Variants in GPR39 observed in about 807,000 individuals in gnomAD.
GPR39 encodes G protein-coupled receptor 39.
In GPR39, 23 loss-of-function variants were observed where a neutral mutation model predicts 18.4. That is an observed-to-expected ratio of 1.25 (90% CI 0.90 to 1.77). GPR39 has a LOEUF of 1.77. GPR39 is among the 40% of genes most tolerant of loss of function. The probability of loss-of-function intolerance (pLI) is 0.00; values close to 1 mark genes in which losing one functional copy is unlikely to be tolerated. For missense variants in GPR39, 647 were observed against 602.4 expected (o/e 1.07, Z -0.78); for synonymous variants, 280 against 257.9 (o/e 1.09, Z -0.82).
intron 1 of GPR39, among the ~76,000 whole-genome samples, chr2:132,596,666 T>C (rs1283297897): frequency 6.6e-6 from 1 of 152,194 alleles, no homozygotes; most frequent in Non-Finnish European, 1.5e-5. Flanking sequence ...TTGTCTCTCA[T>C]GTGGCCTCTA....
intron 1 of GPR39, among the ~76,000 whole-genome samples, chr2:132,464,293 G>T (rs1680887010): frequency 6.6e-6 from 1 of 152,152 alleles, no homozygotes; most frequent in African/African-American, 2.4e-5. Flanking sequence ...TCAGTTGTGT[G>T]GTAAAAGTTT....
intron 1 of GPR39, among the ~76,000 whole-genome samples, chr2:132,620,186 A>AT (rs1159151798): frequency 6.6e-6 from 1 of 151,970 alleles, no homozygotes; most frequent in Non-Finnish European, 1.5e-5. Context: ...CCCCAGGAGA[A>AT]TTTTTTTTAC....
At chr2:132,449,382 G>C (rs1030630376) in intron 1 of GPR39, among the ~76,000 whole-genome samples, 2 of 152,178 alleles carry the variant, frequency 1.3e-5, no homozygotes, top group African/African-American at 4.8e-5. Flanking sequence ...GAATAGCTGG[G>C]AGTACAGGCA....
chr2:132,517,069 C>A (rs4954337), intron 1 of GPR39, among the ~76,000 whole-genome samples: 1 of 151,804 alleles, frequency 6.6e-6, no homozygotes, highest in African/African-American at 2.4e-5. Context: ...TTTTTAAAAG[C>A]GGACACTCTT....
At chr2:132,624,810 C>T (rs766809108) in intron 1 of GPR39, among the ~76,000 whole-genome samples, 1 of 152,214 alleles carries the variant, frequency 6.6e-6, no homozygotes, top group Non-Finnish European at 1.5e-5. Context: ...CGTGAATATT[C>T]CACAGTTAGT....
intron 1 of GPR39, among the ~76,000 whole-genome samples, chr2:132,639,155 C>T (rs79958485): frequency 0.052 from 7,908 of 152,058 alleles, 674 homozygotes; most frequent in African/African-American, 0.18. Context: ...TACAGCTCAG[C>T]TTTGTATCAT....
At chr2:132,479,553 C>T (rs781755490) in intron 1 of GPR39, among the ~76,000 whole-genome samples, 4 of 152,120 alleles carry the variant, frequency 2.6e-5, no homozygotes, top group Non-Finnish European at 5.9e-5. Context: ...ATTCAGTACA[C>T]GGCCTCTCAG....
chr2:132,610,691 C>T (rs1012550871), intron 1 of GPR39, among the ~76,000 whole-genome samples: 2 of 148,554 alleles, frequency 1.3e-5, no homozygotes, highest in Admixed American at 6.8e-5. Context: ...GAAGGAGAAT[C>T]ACTTGAACCT....
chr2:132,624,162 C>G (rs1420845889), intron 1 of GPR39, among the ~76,000 whole-genome samples: 1 of 152,182 alleles, frequency 6.6e-6, no homozygotes, highest in East Asian at 1.9e-4. Context: ...GTAGGGTTGG[C>G]TCTTGGGGCT....
Position 132,433,923 on chromosome 2 carries a change from T to G in GPR39, c.856+16025T>G, listed in dbSNP as rs556568269. On this transcript the variant is annotated intron_variant, in intron 1 of 1. Transcript: ENST00000329321. ...AAAGCGAAGTCATTATATGACAACTTAAAGCACAATGAAGGTGAAGGGCCT... is the reference window on the plus strand; with the variant it reads ...AAAGCGAAGTCATTATATGACAACTGAAAGCACAATGAAGGTGAAGGGCCT... 15 of 151,896 alleles carry G rather than the reference T, an allele frequency of 9.9e-5. No individual in the cohort carries two copies. In the South Asian group the frequency reaches 3.1e-3, roughly 32 times the overall value. The allele number at this position is 151,896 out of a possible 1,614,324, so 9.4% of individuals were successfully genotyped here. A position where few individuals can be genotyped will look rare whatever the true frequency, so the allele number is the denominator to read the frequency against.
chr2:132,594,836 C>G (rs544938716), intron 1 of GPR39, among the ~76,000 whole-genome samples: 10 of 152,070 alleles, frequency 6.6e-5, no homozygotes, highest in Non-Finnish European at 1.3e-4. Flanking sequence ...GCTTTGGTTT[C>G]TTCATCTGTA....
chr2:132,504,943 T>C (rs1188518658), intron 1 of GPR39, among the ~76,000 whole-genome samples: 1 of 152,220 alleles, frequency 6.6e-6, no homozygotes, highest in Non-Finnish European at 1.5e-5. Context: ...TTTCCACATT[T>C]GTTGGAAATC....
chr2:132,515,688 A>T lies in GPR39; in HGVS notation c.856+97790A>T, dbSNP rs1170317702. Among the ~76,000 whole-genome samples the T allele has an allele frequency of 2.0e-5, 3 of 152,120 alleles. No homozygotes were observed. The East Asian group carries it at 5.8e-4, about 29-fold the overall frequency. On this transcript the variant is annotated intron_variant, in intron 1 of 1. Transcript: ENST00000329321. ...CCTTTCTTCCTTAAAGCAACTAATA[A>T]AACCTAAGAATGTCACTCTCTGACC...
chr2:132,595,584 G>A (rs1423261743), intron 1 of GPR39, among the ~76,000 whole-genome samples: 4 of 152,022 alleles, frequency 2.6e-5, no homozygotes, highest in African/African-American at 9.7e-5. Context: ...TGCTGATCAT[G>A]GGTTCAATTC....
At chr2:132,584,302 G>A (rs963563233) in intron 1 of GPR39, among the ~76,000 whole-genome samples, 2 of 152,144 alleles carry the variant, frequency 1.3e-5, no homozygotes, top group Non-Finnish European at 2.9e-5. Context: ...TCCCCGAAAG[G>A]CCTGCGTGTT....
At chr2:132,562,607 T>G (rs1255933533) in intron 1 of GPR39, among the ~76,000 whole-genome samples, 1 of 87,168 alleles carries the variant, frequency 1.1e-5, no homozygotes, top group Non-Finnish European at 2.0e-5. Context: ...TGAGACACTC[T>G]CAAGACTAGG....
chr2:132,535,806 G>A (rs1269052834), intron 1 of GPR39, among the ~76,000 whole-genome samples: 2 of 151,364 alleles, frequency 1.3e-5, no homozygotes, highest in Admixed American at 6.6e-5. Flanking sequence ...GGATTTATGT[G>A]TCCAGGAATT....
At chr2:132,608,110 A>G (rs568413575) in intron 1 of GPR39, among the ~76,000 whole-genome samples, 50 of 152,338 alleles carry the variant, frequency 3.3e-4, no homozygotes, top group African/African-American at 1.2e-3. Flanking sequence ...AAAAAGAAAA[A>G]AATACCCAAC....
chr2:132,552,835 T>TATATATATAC (rs1680068952), intron 1 of GPR39, among the ~76,000 whole-genome samples: 1 of 35,098 alleles, frequency 2.8e-5, no homozygotes, highest in African/African-American at 1.5e-4. Flanking sequence ...TATATATACA[T>TATATATATAC]ATATATATAT....
Sources: gnomAD v4.1 joint callset for allele counts (sites outside exome capture counted in the v4.1 genomes callset) on GRCh38, gnomAD v4.1.1 for gene constraint, MANE v1.5 for transcripts, NCBI Gene and HGNC (gene_info 2026-07-23, HGNC 2026-07-21) for gene names.